Variants in PCDHGA1 observed in about 807,000 individuals in gnomAD.
The protein encoded by PCDHGA1 is protocadherin gamma subfamily A, 1.
PCDHGA1 carries 32 observed loss-of-function variants against 58.0 expected under a neutral mutation model. The ratio of observed to expected loss-of-function variants is 0.55; its 90% CI spans 0.42 to 0.74. The LOEUF is 0.74. Among genes scored for constraint, PCDHGA1 ranks in the 30% least tolerant of loss-of-function variants. PCDHGA1 has a pLI of 0.00. For missense variants in PCDHGA1, 1,205 were observed against 1,182.3 expected (o/e 1.02, Z -0.28); for synonymous variants, 498 against 501.1 (o/e 0.99, Z 0.08).
intron 1 of PCDHGA1, among the ~76,000 whole-genome samples, chr5:141,400,846 A>G (rs1273650139): frequency 6.6e-6 from 1 of 152,190 alleles, no homozygotes; most frequent in Non-Finnish European, 1.5e-5. Context: ...ACATGTTTAT[A>G]TTTTATTGTA....
Position 141,332,056 on chromosome 5 carries a change from TCTGC to T in PCDHGA1, c.1375_1378del (p.Ala459ThrfsTer15). 6.2e-7 allele frequency: 1 copy of T among 1,614,162 alleles called. No individual in the cohort carries two copies. Among genetic ancestry groups the T allele is most frequent in the East Asian group, 2.2e-5 (1 of 44,882 alleles). On this transcript the variant is annotated frameshift_variant, in exon 1 of 4. Transcript: ENST00000517417. LOFTEE classifies it high-confidence loss of function. The surrounding 1 kb of genome is among the most constrained non-coding windows in gnomAD (Gnocchi z 4.6). ...CCCAGTCTTCCATCAGGACTCCTACTCTGCCTACATTCCCGAAAACAACCCCAGA... is the reference window on the plus strand; with the variant it reads ...CCCAGTCTTCCATCAGGACTCCTACTCTACATTCCCGAAAACAACCCCAGA...
At chr5:141,402,037 G>A (rs749684542) in intron 1 of PCDHGA1, among the ~76,000 whole-genome samples, 24 of 152,118 alleles carry the variant, frequency 1.6e-4, no homozygotes, top group Non-Finnish European at 2.9e-4. Flanking sequence ...CACAGTCTGT[G>A]CATGCATTAC....
In PCDHGA1 at chr5:141,423,579, G is replaced by A. The variant is rs760902886; in HGVS notation, c.2422-71228G>A. 6 of 1,613,378 alleles carry A rather than the reference G, an allele frequency of 3.7e-6. No homozygotes were observed. In the East Asian group the frequency reaches 1.3e-4, roughly 36 times the overall value. ...ATGGGGACACGCTCATCAGCCAGGA[G>A]AGCTGTGAGAAAAGCGAGCCACTCT... On this transcript the variant is annotated intron_variant, in intron 1 of 3. Transcript: ENST00000517417.
chr5:141,451,908 G>C (rs899191624), intron 1 of PCDHGA1, among the ~76,000 whole-genome samples: 1 of 152,046 alleles, frequency 6.6e-6, no homozygotes, highest in Non-Finnish European at 1.5e-5. Flanking sequence ...AAGGGAGGGA[G>C]GGAGGAAGGA....
chr5:141,413,453 G>A lies in PCDHGA1; in HGVS notation c.2421+80348G>A, dbSNP rs761986113. 1.9e-5 allele frequency: 31 copies of A among 1,613,986 alleles called. 2 individuals carry two copies. In the South Asian group the frequency reaches 3.1e-4, roughly 16 times the overall value. On this transcript the variant is annotated intron_variant, in intron 1 of 3. Coordinates refer to ENST00000517417, the MANE Select transcript of PCDHGA1 (RefSeq NM_018912.3). ...AGCGGCAGCTTGATCACCGCGGGCA[G>A]GATAGACCGGGAGGAGCTCTGCGCT...
intron 1 of PCDHGA1, chr5:141,344,447 G>A: frequency 6.2e-7 from 1 of 1,613,710 alleles, no homozygotes; most frequent in Non-Finnish European, 8.5e-7. Flanking sequence ...CAGAGGAATT[G>A]GAAATAAAAA....
Position 141,338,912 on chromosome 5 carries a change from A to G in PCDHGA1, c.2421+5807A>G. On this transcript the variant is annotated intron_variant, in intron 1 of 3. Transcript: ENST00000517417. ...GGTTATCTCACACCCTGAGGAATAA[A>G]GATTGGAATCCGCACTGGATGCTGG... 7 of 1,505,092 alleles carry G rather than the reference A, an allele frequency of 4.7e-6. No homozygotes were observed. In the South Asian group the frequency reaches 9.6e-5, roughly 21 times the overall value. The allele number at this position is 1,505,092 out of a possible 1,614,324, so 93.2% of individuals were successfully genotyped here.
rs750687055 is a variant in PCDHGA1 at position 141,383,137 on chromosome 5, C to G, written c.2421+50032C>G. The G allele has an allele frequency of 2.5e-5, 40 of 1,613,994 alleles. No individual in the cohort carries two copies. In the Admixed American group the frequency reaches 3.2e-4, roughly 13 times the overall value. On this transcript the variant is annotated intron_variant, in intron 1 of 3. Transcript: ENST00000517417. Reference sequence around the variant, plus strand: ...GACGCAGCTTTTCGCCCTGAACCAGCGCAGCGGCAGCTTGGTCACTGCGGG... The same window carrying G: ...GACGCAGCTTTTCGCCCTGAACCAGGGCAGCGGCAGCTTGGTCACTGCGGG...
chr5:141,336,829 A>G (rs1417006389), intron 1 of PCDHGA1, among the ~76,000 whole-genome samples: 1 of 152,222 alleles, frequency 6.6e-6, no homozygotes, highest in Non-Finnish European at 1.5e-5. Flanking sequence ...GCAAAGAACA[A>G]TATCAATAGA....
chr5:141,353,135 T>C (rs533447230), intron 1 of PCDHGA1, among the ~76,000 whole-genome samples: 2 of 152,300 alleles, frequency 1.3e-5, no homozygotes, highest in South Asian at 2.1e-4. Context: ...TGCTCAGTAG[T>C]CTTGGCAATT....
intron 1 of PCDHGA1, chr5:141,374,317 T>C: frequency 1.2e-6 from 2 of 1,613,982 alleles, no homozygotes; most frequent in East Asian, 2.2e-5. Context: ...TCTCTCTGAA[T>C]CCGCGAAACG....
intron 1 of PCDHGA1, chr5:141,372,142 A>T: frequency 2.5e-6 from 4 of 1,613,728 alleles, no homozygotes; most frequent in Non-Finnish European, 3.4e-6. Flanking sequence ...CGCTCTGCAG[A>T]GCCTGGCTAC....
chr5:141,350,257 T>A (rs1295049425), intron 1 of PCDHGA1: 1 of 1,509,952 alleles, frequency 6.6e-7, no homozygotes, highest in Non-Finnish European at 8.8e-7. Context: ...GGAGAGTTCC[T>A]GAAATGCAGA....
chr5:141,337,493 C>CATG (rs1406724604), intron 1 of PCDHGA1, among the ~76,000 whole-genome samples: 1 of 152,294 alleles, frequency 6.6e-6, no homozygotes, highest in East Asian at 1.9e-4. Flanking sequence ...ACTTCAAAGA[C>CATG]ATGATATCAA....
chr5:141,484,236 G>C (rs1272971014), intron 1 of PCDHGA1, among the ~76,000 whole-genome samples: 2 of 152,132 alleles, frequency 1.3e-5, no homozygotes, highest in Non-Finnish European at 2.9e-5. Context: ...AAGAGATCTG[G>C]TCCTTAGCAC....
In PCDHGA1 at chr5:141,347,127, C is replaced by T. The variant is rs1757878000; in HGVS notation, c.2421+14022C>T. Among the ~76,000 whole-genome samples, 2 of 137,092 alleles carry T rather than the reference C, an allele frequency of 1.5e-5. 1 individual carries two copies. Among genetic ancestry groups the T allele is most frequent in the Admixed American group, 1.5e-4 (2 of 13,276 alleles). The allele number at this position is 137,092 out of a possible 152,430, so 89.9% of individuals were successfully genotyped here. A position where few individuals can be genotyped will look rare whatever the true frequency, so the allele number is the denominator to read the frequency against. ...TCTCTCTTTCCTCCTTCCTTCCTTC[C>T]TCTGTTTCTCTCTTTCTTTCTTTCT... On this transcript the variant is annotated intron_variant, in intron 1 of 3. Transcript: ENST00000517417.
chr5:141,400,728 T>G (rs1293655070), intron 1 of PCDHGA1: 2 of 648,072 alleles, frequency 3.1e-6, no homozygotes, highest in Non-Finnish European at 5.2e-6. Flanking sequence ...ATTTACAAAG[T>G]AGTGAGAGTT....
At chr5:141,376,253 C>T (rs778244253) in intron 1 of PCDHGA1, 2 of 1,614,222 alleles carry the variant, frequency 1.2e-6, no homozygotes, top group East Asian at 4.5e-5. Flanking sequence ...CAAGTCACGC[C>T]TGCTGCAGGC....
At position 141,487,179 on chromosome 5, in the gene PCDHGA1, C is replaced by T. The variant is rs768886732; in HGVS notation, c.2422-7628C>T. Reference sequence around the variant, plus strand: ...CTCTTAGTGTCCTTAGAGGAAGACACTCATCCAGTTGTCCCAGATCTTCGA... The same window carrying T: ...CTCTTAGTGTCCTTAGAGGAAGACATTCATCCAGTTGTCCCAGATCTTCGA... On this transcript the variant is annotated intron_variant, in intron 1 of 3. Transcript: ENST00000517417. This position sits in a 1 kb window ranked among gnomAD's most constrained non-coding sequence, Gnocchi z 5.0. 6.2e-6 allele frequency: 10 copies of T among 1,613,474 alleles called. No individual in the cohort carries two copies. Among genetic ancestry groups the T allele is most frequent in the Non-Finnish European group, 6.8e-6 (8 of 1,179,370 alleles).
Sources: gnomAD v4.1 joint callset for allele counts (sites outside exome capture counted in the v4.1 genomes callset) on GRCh38, gnomAD v4.1.1 for gene constraint, Gnocchi (gnomAD v3.1) non-coding constraint, MANE v1.5 for transcripts, NCBI Gene and HGNC (gene_info 2026-07-23, HGNC 2026-07-21) for gene names.